The following PCDH15 variants were observed in gnomAD, a reference collection of about 807,000 sequenced individuals.
The protein encoded by PCDH15 is protocadherin-15.
Under a neutral mutation model 178.5 loss-of-function variants are expected in PCDH15, and 129 were observed. That is an observed-to-expected ratio of 0.72 (90% CI 0.63 to 0.84). The LOEUF is 0.84. Ranked by LOEUF, PCDH15 falls within the 40% of genes least tolerant of loss-of-function variation. The probability of loss-of-function intolerance (pLI) is 0.00; values close to 1 mark genes in which losing one functional copy is unlikely to be tolerated. For missense variants in PCDH15, 2,230 were observed against 2,099.9 expected (o/e 1.06, Z -1.21); for synonymous variants, 800 against 732.0 (o/e 1.09, Z -1.50).
At chr10:54,620,275 A>G (rs2093315548) in intron 2 of PCDH15, among the ~76,000 whole-genome samples, 1 of 152,068 alleles carries the variant, frequency 6.6e-6, no homozygotes, top group Admixed American at 6.6e-5. Flanking sequence ...ATAATGGGAA[A>G]ATTAGGCAAA....
intron 2 of PCDH15, among the ~76,000 whole-genome samples, chr10:55,367,986 G>A (rs754778549): frequency 6.6e-5 from 10 of 151,974 alleles, no homozygotes; most frequent in African/African-American, 1.2e-4. Context: ...TTACACACAC[G>A]CTTTTCTTTT....
At chr10:54,714,296 G>A (rs755172242) in intron 1 of PCDH15, among the ~76,000 whole-genome samples, 10 of 152,080 alleles carry the variant, frequency 6.6e-5, no homozygotes, top group Non-Finnish European at 1.5e-4. Flanking sequence ...CTAAAAGTTA[G>A]CCTTTTTCAG....
intron 8 of PCDH15, among the ~76,000 whole-genome samples, chr10:54,266,717 C>T (rs1164203082): frequency 6.6e-6 from 1 of 151,794 alleles, no homozygotes; most frequent in Non-Finnish European, 1.5e-5. Flanking sequence ...GGATACCTTC[C>T]TGGAAACACA....
intron 2 of PCDH15, among the ~76,000 whole-genome samples, chr10:55,126,544 G>C (rs1837904996): frequency 6.6e-6 from 1 of 151,982 alleles, no homozygotes; most frequent in African/African-American, 2.4e-5. Flanking sequence ...GACAGGTTTA[G>C]TTAGAAAATA....
intron 2 of PCDH15, among the ~76,000 whole-genome samples, chr10:54,537,037 C>A: frequency 7.4e-6 from 1 of 135,312 alleles, no homozygotes; most frequent in African/African-American, 2.8e-5. Flanking sequence ...GTCTCTCTCT[C>A]GCCCAGGCTG....
At chr10:53,992,847 A>G (rs188345138) in intron 21 of PCDH15, among the ~76,000 whole-genome samples, 4 of 152,302 alleles carry the variant, frequency 2.6e-5, no homozygotes, top group Admixed American at 2.6e-4. Flanking sequence ...GTAGAGGGAA[A>G]AGTTCCTGGA....
intron 3 of PCDH15, among the ~76,000 whole-genome samples, chr10:54,854,170 C>G (rs1352188295): frequency 6.6e-6 from 1 of 152,186 alleles, no homozygotes; most frequent in East Asian, 1.9e-4. Context: ...GTGGCCAAAC[C>G]AGGCACACCA....
intron 3 of PCDH15, chr10:54,864,589 G>A (rs1448374828): frequency 6.6e-6 from 1 of 152,154 alleles, no homozygotes; most frequent in Non-Finnish European, 1.5e-5. Context: ...TGGGTCAGAA[G>A]TCCAATGTTG....
At chr10:54,064,539 G>A (rs562712493) in intron 18 of PCDH15, among the ~76,000 whole-genome samples, 58 of 152,180 alleles carry the variant, frequency 3.8e-4, no homozygotes, top group African/African-American at 1.3e-3. Context: ...TGTTGTTCAT[G>A]GTGCCCAGGC....
chr10:53,829,971 T>G (rs561288066), intron 30 of PCDH15, among the ~76,000 whole-genome samples: 2 of 152,286 alleles, frequency 1.3e-5, no homozygotes, highest in African/African-American at 4.8e-5. Context: ...ACAAGAAAAT[T>G]TTAAGTATTT....
chr10:54,705,143 G>A (rs539548778), intron 1 of PCDH15, among the ~76,000 whole-genome samples: 4 of 152,158 alleles, frequency 2.6e-5, no homozygotes, highest in Admixed American at 1.3e-4. Context: ...ACACAAATAA[G>A]GGATTCAGAG....
At chr10:53,853,133 T>C (rs1015157175) in intron 28 of PCDH15, among the ~76,000 whole-genome samples, 2 of 151,334 alleles carry the variant, frequency 1.3e-5, no homozygotes, top group Admixed American at 6.6e-5. Context: ...ACATAGGTTT[T>C]AAAAAAAATC....
chr10:54,035,986 G>A (rs1284192332), intron 18 of PCDH15, among the ~76,000 whole-genome samples: 5 of 151,862 alleles, frequency 3.3e-5, no homozygotes, highest in Non-Finnish European at 1.5e-5. Flanking sequence ...CAACATTCCC[G>A]TAAGCCAAAG....
chr10:54,529,776 A>G (rs1229023111), intron 2 of PCDH15, among the ~76,000 whole-genome samples: 1 of 152,112 alleles, frequency 6.6e-6, no homozygotes, highest in Non-Finnish European at 1.5e-5. Flanking sequence ...GTTACTTGAA[A>G]AATGATTTCA....
intron 2 of PCDH15, chr10:54,619,273 T>A (rs898647650): frequency 6.6e-6 from 1 of 151,990 alleles, no homozygotes. Flanking sequence ...AAGTCATCAA[T>A]TCTCTCACAT....
At chr10:55,554,165 T>A (rs1842046788) in intron 2 of PCDH15, among the ~76,000 whole-genome samples, 1 of 152,016 alleles carries the variant, frequency 6.6e-6, no homozygotes, top group Non-Finnish European at 1.5e-5. Flanking sequence ...GAAGCAATAT[T>A]CAAGAAGACT....
At chr10:54,037,835 A>C (rs181314155) in intron 18 of PCDH15, among the ~76,000 whole-genome samples, 1 of 152,176 alleles carries the variant, frequency 6.6e-6, no homozygotes, top group Non-Finnish European at 1.5e-5. Context: ...TGAGGAGTCT[A>C]AATGGAGACT....
rs1317397570 is a variant in PCDH15 at position 55,024,324 on chromosome 10, T to C, written c.-79-126824A>G. Among the ~76,000 whole-genome samples, 3 of 144,838 alleles carry C rather than the reference T, an allele frequency of 2.1e-5. No individual in the cohort carries two copies. The East Asian group carries it at 5.9e-4, about 29-fold the overall frequency. On this transcript the variant is annotated intron_variant, in intron 2 of 5. Transcript: ENST00000458638. ...ATATATATGGGATGGAATATATATA[T>C]ATATTCCCATATATAGGAAGAAATA...
intron 8 of PCDH15, among the ~76,000 whole-genome samples, chr10:54,243,844 TG>T (rs1283846841): frequency 6.6e-6 from 1 of 152,180 alleles, no homozygotes; most frequent in Non-Finnish European, 1.5e-5. Context: ...AGTAACGAAT[TG>T]GGGTGAGTAG....
Sources: allele counts gnomAD v4.1 joint callset (sites outside exome capture counted in the v4.1 genomes callset), GRCh38; gene constraint gnomAD v4.1.1; transcripts MANE v1.5; gene names NCBI Gene and HGNC (gene_info 2026-07-23, HGNC 2026-07-21).